The following MARCHF1 variants were observed in gnomAD, a reference collection of about 807,000 sequenced individuals.
MARCHF1 encodes membrane associated ring-CH-type finger 1, also known as E3 ubiquitin-protein ligase MARCHF1.
Under a neutral mutation model 54.2 loss-of-function variants are expected in MARCHF1, and 40 were observed. The observed-to-expected ratio is 0.74, with a 90% CI of 0.57 to 0.96. The LOEUF (loss-of-function observed/expected upper bound fraction) is 0.96, where lower values mean the gene tolerates loss of function less well. Ranked by LOEUF, MARCHF1 falls within the 40% of genes least tolerant of loss-of-function variation. The pLI is 0.00. For missense variants in MARCHF1, 586 were observed against 656.5 expected (o/e 0.89, Z 1.17); for synonymous variants, 236 against 236.3 (o/e 1.00, Z 0.01).
At chr4:164,063,154 T>C (rs555670299) in intron 2 of MARCHF1, among the ~76,000 whole-genome samples, 6 of 152,094 alleles carry the variant, frequency 3.9e-5, no homozygotes, top group African/African-American at 1.4e-4. Flanking sequence ...TTAAGGGCCC[T>C]ACGATTTTCA....
At chr4:164,010,946 G>A (rs1306926727) in intron 2 of MARCHF1, among the ~76,000 whole-genome samples, 1 of 152,034 alleles carries the variant, frequency 6.6e-6, no homozygotes, top group Non-Finnish European at 1.5e-5. Flanking sequence ...GGAAAACCCA[G>A]ATATAAATCC....
chr4:163,531,650 T>A (rs1738355860), intron 9 of MARCHF1, among the ~76,000 whole-genome samples: 1 of 151,868 alleles, frequency 6.6e-6, no homozygotes, highest in African/African-American at 2.4e-5. Flanking sequence ...TAAAACTATC[T>A]TTGTTCACAA....
intron 9 of MARCHF1, among the ~76,000 whole-genome samples, chr4:163,529,544 T>C (rs1579031894): frequency 1.3e-5 from 2 of 151,826 alleles, no homozygotes; most frequent in South Asian, 4.2e-4. Flanking sequence ...AGAAGGGAGA[T>C]GGGGAGGAGT....
At chr4:163,577,763 C>G (rs954205012) in intron 8 of MARCHF1, among the ~76,000 whole-genome samples, 1 of 151,922 alleles carries the variant, frequency 6.6e-6, no homozygotes, top group Non-Finnish European at 1.5e-5. Context: ...ATTTCATGAA[C>G]ACTTTGTTCA....
intron 2 of MARCHF1, among the ~76,000 whole-genome samples, chr4:164,100,586 G>T (rs1426825410): frequency 2.0e-5 from 3 of 152,206 alleles, no homozygotes; most frequent in Non-Finnish European, 4.4e-5. Flanking sequence ...TTTCAACATG[G>T]TTGGTATCTA....
At chr4:164,004,099 C>G (rs1023999072) in intron 2 of MARCHF1, among the ~76,000 whole-genome samples, 4 of 151,862 alleles carry the variant, frequency 2.6e-5, no homozygotes, top group Non-Finnish European at 4.4e-5. Flanking sequence ...AAAACATGGA[C>G]ACAGGAAGGG....
Position 163,998,644 on chromosome 4 carries a change from AC to A in MARCHF1, c.-247-9936del, listed in dbSNP as rs1046863905. On this transcript the variant is annotated intron_variant, in intron 2 of 9. Coordinates refer to ENST00000514618, the MANE Select transcript of MARCHF1 (RefSeq NM_001394959.1). ...CTTTGACCAACATCTCCACAACTTT[AC>A]CCTCCTATCCTCGGTAACCATCATT... Among the ~76,000 whole-genome samples the A allele has an allele frequency of 4.0e-5, 6 of 151,526 alleles. No individual in the cohort carries two copies. In the Admixed American group the frequency reaches 4.0e-4, roughly 10 times the overall value.
intron 4 of MARCHF1, among the ~76,000 whole-genome samples, chr4:163,824,055 T>C (rs759750488): frequency 7.1e-6 from 1 of 141,400 alleles, no homozygotes; most frequent in Non-Finnish European, 1.6e-5. Context: ...TAAAGCCAAG[T>C]AGCAACTTGA....
intron 1 of MARCHF1, among the ~76,000 whole-genome samples, chr4:164,277,146 G>C (rs1451356013): frequency 1.3e-5 from 2 of 151,488 alleles, no homozygotes; most frequent in African/African-American, 4.9e-5. Context: ...TTCTTGCTTA[G>C]AAGTCACTCC....
At chr4:164,149,961 T>C (rs1013854199) in intron 1 of MARCHF1, among the ~76,000 whole-genome samples, 1 of 152,208 alleles carries the variant, frequency 6.6e-6, no homozygotes, top group Non-Finnish European at 1.5e-5. Context: ...GATTTACTGA[T>C]GAAAATCTCT....
intron 1 of MARCHF1, among the ~76,000 whole-genome samples, chr4:164,291,124 T>G (rs12509765): frequency 0.031 from 4,654 of 152,014 alleles, 189 homozygotes; most frequent in East Asian, 0.16. Context: ...ACAAAGCATA[T>G]GATCAGATTA....
chr4:164,176,966 CTCTCTCTCTCTCTCTATATATA>C (rs1422707682), intron 1 of MARCHF1, among the ~76,000 whole-genome samples: 7 of 46,732 alleles, frequency 1.5e-4, no homozygotes, highest in African/African-American at 7.4e-4. Flanking sequence ...CTCTCTCTCT[CTCTCTCTCTCTCTCTATATATA>C]TATATATATA....
chr4:163,621,739 AG>A (rs1222638864), intron 5 of MARCHF1, among the ~76,000 whole-genome samples: 3 of 152,200 alleles, frequency 2.0e-5, no homozygotes, highest in African/African-American at 2.4e-5. Context: ...AGAGCAGGAC[AG>A]GAGGAGAAAA....
intron 1 of MARCHF1, among the ~76,000 whole-genome samples, chr4:164,338,834 T>C (rs1729833031): frequency 6.6e-6 from 1 of 151,998 alleles, no homozygotes; most frequent in African/African-American, 2.4e-5. Flanking sequence ...TAGCCAGGCT[T>C]GGTGGTACGT....
chr4:164,348,257 A>C (rs1730171537), intron 1 of MARCHF1, among the ~76,000 whole-genome samples: 1 of 152,170 alleles, frequency 6.6e-6, no homozygotes, highest in South Asian at 2.1e-4. Context: ...CATTTTAGCC[A>C]ATATTGATTT....
At chr4:164,173,959 T>C (rs562233804) in intron 1 of MARCHF1, among the ~76,000 whole-genome samples, 5 of 152,308 alleles carry the variant, frequency 3.3e-5, no homozygotes, top group African/African-American at 1.2e-4. Flanking sequence ...ATTCTATTGT[T>C]AGAAAGAATA....
chr4:163,880,798 T>A (rs1249838966), intron 3 of MARCHF1, among the ~76,000 whole-genome samples: 3 of 152,206 alleles, frequency 2.0e-5, no homozygotes, highest in Admixed American at 2.0e-4. Flanking sequence ...GCATAGTGAT[T>A]TTTTTCAATG....
chr4:163,917,976 T>C (rs1231557912), intron 3 of MARCHF1, among the ~76,000 whole-genome samples: 1 of 152,200 alleles, frequency 6.6e-6, no homozygotes, highest in African/African-American at 2.4e-5. Context: ...CCTGTGCCTA[T>C]GTCCTAAATG....
intron 1 of MARCHF1, among the ~76,000 whole-genome samples, chr4:164,260,250 T>C (rs1310496583): frequency 6.6e-6 from 1 of 152,092 alleles, no homozygotes; most frequent in African/African-American, 2.4e-5. Flanking sequence ...CTATTGCTGC[T>C]CCCAAAACCC....
Sources: gnomAD v4.1 joint callset for allele counts (sites outside exome capture counted in the v4.1 genomes callset) on GRCh38, gnomAD v4.1.1 for gene constraint, MANE v1.5 for transcripts, NCBI Gene and HGNC (gene_info 2026-07-23, HGNC 2026-07-21) for gene names.